CLPX: variants seen among roughly 807,000 people sequenced by gnomAD.
CLPX encodes ATP-dependent clpX-like chaperone, mitochondrial.
A neutral mutation model predicts 76.4 loss-of-function variants in CLPX; 34 were observed. The ratio of observed to expected loss-of-function variants is 0.45; its 90% CI spans 0.34 to 0.59. CLPX has a LOEUF of 0.59. Among genes scored for constraint, CLPX ranks in the 20% least tolerant of loss-of-function variants. The pLI is 0.01. For missense variants in CLPX, 613 were observed against 757.0 expected (o/e 0.81, Z 2.23); for synonymous variants, 248 against 270.9 (o/e 0.92, Z 0.83).
rs757598939 is a variant in CLPX, at chr15:65,155,097, T to G, written c.1312-16A>C. On this transcript the variant is annotated splice_polypyrimidine_tract_variant and intron_variant, in intron 10 of 13. Transcript: ENST00000300107. ...ATCCAAGATACTGCCAAAGAAATGA[T>G]GCATATTTATAATTAGTAGAATCAA... The G allele has an allele frequency of 1.7e-5, 28 of 1,601,830 alleles. No individual in the cohort carries two copies. In the East Asian group the frequency reaches 6.3e-4, roughly 36 times the overall value.
chr15:65,148,631 C>G lies in CLPX; in HGVS notation c.*2192G>C, dbSNP rs2087681455. The G allele has an allele frequency of 6.6e-6, 1 of 151,732 alleles. No individual in the cohort carries two copies. 9.4% of individuals were successfully genotyped at this position (151,732 alleles called of 1,614,324 possible). On this transcript the variant is annotated 3_prime_UTR_variant, in exon 14 of 14. Transcript: ENST00000300107. ...CATACATCCCTTTTATTAATTATAT[C>G]AAAGAAAGCCCAACTCTTCATCAAC...
chr15:65,182,730 C>G (rs2088191484), intron 1 of CLPX, among the ~76,000 whole-genome samples: 1 of 151,916 alleles, frequency 6.6e-6, no homozygotes, highest in South Asian at 2.1e-4. Flanking sequence ...CTCTGAAAGC[C>G]AAAAAAGAGA....
At position 65,158,556 on chromosome 15, in the gene CLPX, T is replaced by G; in HGVS notation, c.892+19A>C. 6.3e-7 allele frequency: 1 copy of G among 1,590,198 alleles called. No homozygotes were observed. The highest frequency in any genetic ancestry group is 8.6e-7 in the Non-Finnish European group (1 of 1,167,200). ...TGATTTTTAAAATGAGTAGTAAATT[T>G]TCTCAGCAAGTTATTTACCTGACCC... On this transcript the variant is annotated intron_variant, in intron 7 of 13. Coordinates refer to ENST00000300107, the MANE Select transcript of CLPX (RefSeq NM_006660.5).
chr15:65,173,380 A>AG (rs2088039968), intron 3 of CLPX, among the ~76,000 whole-genome samples: 1 of 151,650 alleles, frequency 6.6e-6, no homozygotes, highest in South Asian at 2.1e-4. Flanking sequence ...AAAAAAAAAA[A>AG]AAAAAAAGAA....
intron 6 of CLPX, among the ~76,000 whole-genome samples, chr15:65,160,388 A>G (rs892227367): frequency 2.0e-5 from 3 of 152,198 alleles, no homozygotes; most frequent in African/African-American, 7.2e-5. Flanking sequence ...TATAATCCAC[A>G]TCAGCCAAGA....
At chr15:65,167,022 A>T (rs2087923776) in intron 3 of CLPX, among the ~76,000 whole-genome samples, 1 of 152,230 alleles carries the variant, frequency 6.6e-6, no homozygotes. Context: ...ATACTTCTTT[A>T]AAAGAAAAGA....
Position 65,164,267 on chromosome 15 carries a change from T to A in CLPX, c.514-79A>T, listed in dbSNP as rs938226150. ...ACATTAAAAAGTTATTTACTAAGCA[T>A]ATTTGCTTACAGTTTTAAATCTGAA... On this transcript the variant is annotated intron_variant, in intron 4 of 13. Coordinates refer to ENST00000300107, the MANE Select transcript of CLPX (RefSeq NM_006660.5). 80 of 1,149,610 alleles carry A rather than the reference T, an allele frequency of 7.0e-5. No homozygotes were observed. In the African/African-American group the frequency reaches 1.0e-3, roughly 15 times the overall value. The allele number at this position is 1,149,610 out of a possible 1,614,324, so 71.2% of individuals were successfully genotyped here. A position where few individuals can be genotyped will look rare whatever the true frequency, so the allele number is the denominator to read the frequency against.
At chr15:65,158,240 T>C (rs1022692416) in intron 7 of CLPX, 3 of 304,598 alleles carry the variant, frequency 9.8e-6, no homozygotes, top group African/African-American at 4.4e-5. Context: ...TAGGCTGGTC[T>C]CAAACTCTTG....
chr15:65,165,896 C>A (rs992081202), intron 4 of CLPX, among the ~76,000 whole-genome samples: 2 of 152,224 alleles, frequency 1.3e-5, no homozygotes, highest in African/African-American at 4.8e-5. Context: ...GAGACAAATG[C>A]ACTGATATCT....
intron 8 of CLPX, 73 bp from the exon 9 acceptor site, chr15:65,157,005 T>G: frequency 1.1e-6 from 1 of 902,268 alleles, no homozygotes; most frequent in South Asian, 1.5e-5. Context: ...TTAAAATACT[T>G]AGGTAGCTAG....
chr15:65,158,037 C>T (rs1350760929), intron 7 of CLPX, 127 bp from the exon 8 acceptor site: 4 of 746,976 alleles, frequency 5.4e-6, no homozygotes, highest in African/African-American at 3.7e-5. Flanking sequence ...CCTTCCTCTG[C>T]TATTATTTTT....
rs71136319 is a variant in CLPX at position 65,168,383 on chromosome 15, C to CAAAAAAAAAAA, written c.359-1609_359-1599dup. ...TGGGCGACAAAGTGAGACTCTGTCT[C>CAAAAAAAAAAA]AAAAAAAAAAAAAAAAAAAAAAAAA... On this transcript the variant is annotated intron_variant, in intron 3 of 13. Transcript: ENST00000300107. 3.1e-4 allele frequency among the ~76,000 whole-genome samples: 11 copies of CAAAAAAAAAAA among 35,660 alleles called. 2 individuals carry two copies. The highest frequency in any genetic ancestry group is 1.6e-3 in the Admixed American group (3 of 1,840). The allele number at this position is 35,660 out of a possible 152,430, so 23.4% of individuals were successfully genotyped here.
intron 8 of CLPX, 47 bp from the exon 9 acceptor site, chr15:65,156,979 C>A: frequency 1.6e-6 from 2 of 1,256,900 alleles, no homozygotes; most frequent in South Asian, 2.5e-5. Context: ...AAGATATACA[C>A]AAGATAGCCT....
rs1310502748 is a variant in CLPX, at chr15:65,150,771, A to G, written c.*52T>C. 6 of 1,262,716 alleles carry G rather than the reference A, an allele frequency of 4.8e-6. No homozygotes were observed. Among genetic ancestry groups the G allele is most frequent in the Admixed American group, 3.7e-5 (2 of 54,750 alleles). The allele number at this position is 1,262,716 out of a possible 1,614,324, so 78.2% of individuals were successfully genotyped here. On this transcript the variant is annotated 3_prime_UTR_variant, in exon 14 of 14. Transcript: ENST00000300107. Reference sequence around the variant, plus strand: ...ATATCAGACTGTAGAGACAATTATGATCCTAAACAAAAGAAGGAAAAGCTG... The same window carrying G: ...ATATCAGACTGTAGAGACAATTATGGTCCTAAACAAAAGAAGGAAAAGCTG...
rs530790044 is a variant in CLPX at position 65,170,320 on chromosome 15, GA to G, written c.359-3536del. On this transcript the variant is annotated intron_variant, in intron 3 of 13. Transcript: ENST00000300107. ...CCAACTAGAAAGAGAGAACTGCAGA[GA>G]AAAAAAAAAATTCATGGAATTTTTT... is the stretch of plus-strand genomic sequence containing the variant. Among the ~76,000 whole-genome samples the G allele has an allele frequency of 6.6e-3, 961 of 144,806 alleles. 6 individuals are homozygous for G. The highest frequency in any genetic ancestry group is 0.014 in the Middle Eastern group (4 of 278). The allele number at this position is 144,806 out of a possible 152,430, so 95.0% of individuals were successfully genotyped here.
chr15:65,152,452 T>C lies in CLPX; in HGVS notation c.1789A>G (p.Lys597Glu), dbSNP rs753628258. The change falls in exon 13 of 14, where the codon AAA (lysine) becomes GAA (glutamate). Residue 597 changes from lysine to glutamate, a missense_variant. Coordinates refer to ENST00000300107, the MANE Select transcript of CLPX (RefSeq NM_006660.5). ...TACCGGATGTATCCTGGTTCCTTTTTTCCTTCTACTACTTCTTTGTCAACC... is the reference window on the plus strand; with the variant it reads ...TACCGGATGTATCCTGGTTCCTTTTCTCCTTCTACTACTTCTTTGTCAACC... ...VEVDKEVVEG[K>E]KEPGYIRAPT... 6.4e-7 allele frequency: 1 copy of C among 1,554,322 alleles called. No individual in the cohort carries two copies. Among genetic ancestry groups the C allele is most frequent in the East Asian group, 2.4e-5 (1 of 41,976 alleles).
At chr15:65,180,294 A>G in intron 1 of CLPX, 90 bp from the exon 2 acceptor site, 2 of 983,988 alleles carry the variant, frequency 2.0e-6, no homozygotes, top group East Asian at 2.5e-5. Context: ...AGGAGGTTGA[A>G]AAAAAGCTAT....
chr15:65,184,585 G>T (rs1409546103), intron 1 of CLPX: 1 of 158,682 alleles, frequency 6.3e-6, no homozygotes, highest in Admixed American at 6.3e-5. Context: ...CGTCCGGGAC[G>T]GCCAGCTGGG....
chr15:65,179,057 G>A lies in CLPX; in HGVS notation c.241-6C>T, dbSNP rs565866628. On this transcript the variant is annotated splice_region_variant and splice_polypyrimidine_tract_variant and intron_variant, in intron 2 of 13. Transcript: ENST00000300107. ...CTTCCCTCACTTGCTGATTTCTAAC[G>A]TTTATGAAGGAGAAAAAAGGAAGAG... 6.4e-6 allele frequency: 10 copies of A among 1,559,474 alleles called. No individual in the cohort carries two copies. Among genetic ancestry groups the A allele is most frequent in the African/African-American group, 2.7e-5 (2 of 73,786 alleles).
Sources: allele counts gnomAD v4.1 joint callset (sites outside exome capture counted in the v4.1 genomes callset), GRCh38; gene constraint gnomAD v4.1.1; transcripts MANE v1.5; gene names NCBI Gene and HGNC (gene_info 2026-07-23, HGNC 2026-07-21).